LAMA3: variants seen among roughly 807,000 people sequenced by gnomAD.
LAMA3 encodes the protein laminin subunit alpha 3, also known as laminin subunit alpha-3.
In LAMA3, 281 loss-of-function variants were observed where a neutral mutation model predicts 402.0. The ratio of observed to expected loss-of-function variants is 0.70; its 90% CI spans 0.63 to 0.77. The LOEUF (loss-of-function observed/expected upper bound fraction) is 0.77. Among genes scored for constraint, LAMA3 ranks in the 30% least tolerant of loss-of-function variants. LAMA3 has a pLI of 0.00. For synonymous variants in LAMA3, 1,431 were observed against 1,558.4 expected, an observed-to-expected ratio of 0.92 and a Z score of 1.93; for missense variants, 3,840 against 4,215.5, an observed-to-expected ratio of 0.91 and a Z score of 2.47.
intron 31 of LAMA3, among the ~76,000 whole-genome samples, chr18:23,846,969 A>G (rs892050345): frequency 1.3e-5 from 2 of 152,208 alleles, no homozygotes; most frequent in Non-Finnish European, 2.9e-5. Context: ...TCTCAGAACC[A>G]TCTTGTGGTC....
intron 42 of LAMA3, among the ~76,000 whole-genome samples, chr18:23,891,930 A>G (rs1445077776): frequency 6.6e-6 from 1 of 152,120 alleles, no homozygotes; most frequent in East Asian, 1.9e-4. Context: ...AGAGAGTAAG[A>G]CTCTGAAGGG....
chr18:23,815,559 A>C lies in LAMA3; in HGVS notation c.2033A>C (p.Tyr678Ser). Residue 678 changes from tyrosine (Y) to serine (S), a missense_variant, in exon 17 of 75, where the codon TAC becomes TCC. By Grantham distance (144) the Tyr-to-Ser change is moderately radical. Around this residue, in one of 3 missense-constraint regions of LAMA3, gnomAD observed 2,109 missense variants for 2,376.0 expected, o/e 0.89. Coordinates refer to ENST00000313654, the MANE Select transcript of LAMA3 (RefSeq NM_198129.4). ...DGYFALEKSN[Y>S]FGCQGCQCDI... ...TATTTTGCTTTGGAAAAGAGCAATT[A>C]CTTTGGGTGTCAAGGTAAATAAGTC... 1 of 1,613,346 alleles carries C rather than the reference A, an allele frequency of 6.2e-7. No individual in the cohort carries two copies. Among genetic ancestry groups the C allele is most frequent in the Non-Finnish European group, 8.5e-7 (1 of 1,179,236 alleles).
Position 23,846,537 on chromosome 18 carries a change from T to C in LAMA3, c.3931+29T>C, listed in dbSNP as rs1432106175. 5 of 1,579,548 alleles carry C rather than the reference T, an allele frequency of 3.2e-6. No individual in the cohort carries two copies. The Admixed American group carries it at 8.6e-5, about 27-fold the overall frequency. The stretch of plus-strand genomic sequence containing the variant: ...AGTGCACGTTTCCCATCACCCAAGT[T>C]CTGCTCTGGTCCCGTGTGGATGATG... On this transcript the variant is annotated intron_variant, in intron 31 of 74. Transcript: ENST00000313654.
At position 23,689,815 on chromosome 18, in the gene LAMA3, G is replaced by T; in HGVS notation, c.132G>T (p.Gly44=). The T allele has an allele frequency of 6.5e-7, 1 of 1,543,974 alleles. No homozygotes were observed. Among genetic ancestry groups the T allele is most frequent in the East Asian group, 2.5e-5 (1 of 39,896 alleles). Residue 44 remains glycine (G), a synonymous_variant, in exon 1 of 75, where the codon GGG becomes GGT. Coordinates refer to ENST00000313654, the MANE Select transcript of LAMA3 (RefSeq NM_198129.4). ...CTCGGGATCCCGGGGCCGCGGCCGG[G>T]CTCAGCCTTCACCCGACTTACTTCA... ...ATARDPGAAA[G]LSLHPTYFNL... is the part of the protein sequence containing the mutation.
chr18:23,881,642 C>G (rs1305912450), intron 39 of LAMA3, among the ~76,000 whole-genome samples: 1 of 152,054 alleles, frequency 6.6e-6, no homozygotes, highest in Non-Finnish European at 1.5e-5. Context: ...AGGATCTTGC[C>G]CCAGGGCTCC....
At chr18:23,695,388 G>T (rs145298486) in intron 1 of LAMA3, among the ~76,000 whole-genome samples, 1 of 152,124 alleles carries the variant, frequency 6.6e-6, no homozygotes, top group African/African-American at 2.4e-5. Flanking sequence ...AGCAGAGAGG[G>T]GACCCTGCAT....
chr18:23,840,070 C>A, intron 27 of LAMA3, 141 bp downstream of exon 27: 1 of 901,912 alleles, frequency 1.1e-6, no homozygotes. Context: ...GGGGGTGGGC[C>A]CAGGAATCTG....
chr18:23,802,874 G>A (rs927420650), intron 12 of LAMA3, among the ~76,000 whole-genome samples: 50 of 152,240 alleles, frequency 3.3e-4, no homozygotes, highest in East Asian at 1.4e-3. Context: ...CCTCAGCCCC[G>A]CAAGGTACTG....
At chr18:23,691,003 C>T (rs191106001) in intron 1 of LAMA3, among the ~76,000 whole-genome samples, 4 of 151,996 alleles carry the variant, frequency 2.6e-5, no homozygotes, top group African/African-American at 7.2e-5. Context: ...GTCTTGACCT[C>T]CCAAAGGGGC....
At chr18:23,861,918 C>T (rs1049601170) in intron 35 of LAMA3, 111 bp downstream of exon 35, 9 of 1,228,000 alleles carry the variant, frequency 7.3e-6, no homozygotes, top group South Asian at 1.5e-5. Flanking sequence ...AGGTTACTAA[C>T]GTTCCAGAAA....
intron 6 of LAMA3, 143 bp from the exon 7 acceptor site, chr18:23,758,253 C>G (rs1273339760): frequency 1.3e-5 from 9 of 706,710 alleles, no homozygotes; most frequent in Non-Finnish European, 2.1e-5. Context: ...ATAATACTTG[C>G]GAAGTGTTGT....
rs1335001446 is a variant in LAMA3 at position 23,909,284 on chromosome 18, G to A, written c.7147G>A (p.Ala2383Thr). The A allele has an allele frequency of 6.2e-7, 1 of 1,612,036 alleles. No individual in the cohort carries two copies. The highest frequency in any genetic ancestry group is 1.7e-5 in the Admixed American group (1 of 60,004). The change falls in exon 55 of 75, where the codon GCT (alanine) becomes ACT (threonine). Residue 2383 changes from alanine (A) to threonine (T), a missense_variant. This residue lies in a region of LAMA3 where 891 missense variants were observed against 857.5 expected (regional missense o/e 1.04). Transcript: ENST00000313654. ...AGAACTAATTCAGCAGGCCAGAGAT[G>A]CTGCCAGTAAGGTGAGTGTGTCCCC... ...IRELIQQARD[A>T]ASKVAVPMRF...
chr18:23,937,043 T>A (rs1333345081), intron 67 of LAMA3, among the ~76,000 whole-genome samples: 7 of 152,122 alleles, frequency 4.6e-5, no homozygotes, highest in Admixed American at 3.9e-4. Flanking sequence ...GGAGTCAGAT[T>A]GGCAAGCTAC....
chr18:23,798,881 C>T (rs2062816725), intron 12 of LAMA3, among the ~76,000 whole-genome samples: 2 of 152,308 alleles, frequency 1.3e-5, no homozygotes, highest in South Asian at 4.2e-4. Flanking sequence ...CCATCATCTA[C>T]AAGAATCTAT....
chr18:23,730,437 G>T (rs1230033243), intron 2 of LAMA3, among the ~76,000 whole-genome samples: 1 of 139,782 alleles, frequency 7.2e-6, no homozygotes, highest in Non-Finnish European at 1.5e-5. Flanking sequence ...GTGCAATCTT[G>T]GCTCACTGCA....
Position 23,837,144 on chromosome 18 carries a change from T to C in LAMA3, c.3093+55T>C. ...AGAAGCATTTTGCTGATATCTATAT[T>C]TTTTGAAGCTTATTAAAATTTTGGC... On this transcript the variant is annotated intron_variant, in intron 25 of 74. Transcript: ENST00000313654. 4 of 1,217,062 alleles carry C rather than the reference T, an allele frequency of 3.3e-6. No homozygotes were observed. In the South Asian group the frequency reaches 5.1e-5, roughly 15 times the overall value. 75.4% of individuals were successfully genotyped at this position (1,217,062 alleles called of 1,614,324 possible).
chr18:23,871,447 C>G lies in LAMA3; in HGVS notation c.4784C>G (p.Ala1595Gly). The change falls in exon 38 of 75, where the codon GCC (alanine) becomes GGC (glycine). Residue 1595 changes from alanine (A) to glycine (G), a missense_variant. Physicochemically the swap from Ala to Gly is moderately conservative, Grantham distance 60. Around this residue, in one of 3 missense-constraint regions of LAMA3, gnomAD observed 2,109 missense variants for 2,376.0 expected, o/e 0.89. Transcript: ENST00000313654. ...CATGTGTAGGGAAACTTCAGACATG[C>G]CAGCAGCCGTGCCCCAGTGTCTAGG... ...VHVVEGNFRHASSRAPVSREE... is the reference protein window; with the variant it reads ...VHVVEGNFRHGSSRAPVSREE... The G allele has an allele frequency of 1.2e-6, 2 of 1,613,910 alleles. No homozygotes were observed. Among genetic ancestry groups the G allele is most frequent in the Non-Finnish European group, 1.7e-6 (2 of 1,179,906 alleles).
At chr18:23,788,525 T>C (rs1218999153) in intron 12 of LAMA3, among the ~76,000 whole-genome samples, 1 of 151,182 alleles carries the variant, frequency 6.6e-6, no homozygotes, top group African/African-American at 2.4e-5. Context: ...ATACAGAAAA[T>C]AAAATGCAAA....
At chr18:23,861,967 G>T (rs1427342123) in intron 35 of LAMA3, among the ~76,000 whole-genome samples, 160 bp downstream of exon 35, 1 of 152,338 alleles carries the variant, frequency 6.6e-6, no homozygotes, top group East Asian at 1.9e-4. Context: ...CCTGCCTCCT[G>T]CTGTGAGGGG....
Sources: gnomAD v4.1 joint callset for allele counts (sites outside exome capture counted in the v4.1 genomes callset) on GRCh38, gnomAD v4.1.1 for gene constraint, gnomAD v4.1.1 regional missense constraint, MANE v1.5 for transcripts, NCBI Gene and HGNC (gene_info 2026-07-23, HGNC 2026-07-21) for gene names.